TRAPPC11: variants seen among roughly 807,000 people sequenced by gnomAD.
TRAPPC11 encodes the protein trafficking protein particle complex subunit 11.
TRAPPC11 carries 104 observed loss-of-function variants against 151.2 expected under a neutral mutation model. That is an observed-to-expected ratio of 0.69 (90% confidence interval 0.59 to 0.81). The LOEUF is 0.81. TRAPPC11 is among the 30% of genes least tolerant of loss of function. The probability of loss-of-function intolerance (pLI) is 0.00; values close to 1 mark genes in which losing one functional copy is unlikely to be tolerated. For missense variants in TRAPPC11, 1,230 were observed against 1,349.6 expected (o/e 0.91, Z 1.39); for synonymous variants, 456 against 472.3 (o/e 0.97, Z 0.45).
Position 183,675,242 on chromosome 4 carries a change from G to A in TRAPPC11, c.734+5G>A. 1 of 1,517,080 alleles carries A rather than the reference G, an allele frequency of 6.6e-7. No homozygotes were observed. The highest frequency in any genetic ancestry group is 8.9e-7 in the Non-Finnish European group (1 of 1,127,118). 94.0% of individuals were successfully genotyped at this position (1,517,080 alleles called of 1,614,324 possible). A position where few individuals can be genotyped will look rare whatever the true frequency, so the allele number is the denominator to read the frequency against. ...AGATACACAAAATGCGCTGAAGTAA[G>A]TTAAGCTTTCAAACTAAATGTTTCC... On this transcript the variant is annotated splice_donor_5th_base_variant and intron_variant, in intron 7 of 29. Transcript: ENST00000334690.
chr4:183,700,791 C>T (rs549343796), intron 25 of TRAPPC11: 4 of 152,160 alleles, frequency 2.6e-5, no homozygotes, highest in Admixed American at 2.6e-4. Flanking sequence ...GTGAGCATCC[C>T]TCATCTAAAA....
At chr4:183,662,927 G>T (rs746221655) in intron 1 of TRAPPC11, among the ~76,000 whole-genome samples, 3 of 152,024 alleles carry the variant, frequency 2.0e-5, no homozygotes, top group Non-Finnish European at 2.9e-5. Flanking sequence ...TAACATGAAA[G>T]ATTTTTTCTT....
intron 18 of TRAPPC11, among the ~76,000 whole-genome samples, chr4:183,688,201 G>A (rs1736082354): frequency 6.6e-6 from 1 of 152,124 alleles, no homozygotes. Context: ...TGCCCAAATA[G>A]GTAATGAAGA....
At position 183,694,669 on chromosome 4, in the gene TRAPPC11, T is replaced by C. The variant is rs766143826; in HGVS notation, c.2574T>C (p.Ser858=). 6.2e-7 allele frequency: 1 copy of C among 1,610,310 alleles called. No individual in the cohort carries two copies. The highest frequency in any genetic ancestry group is 8.5e-7 in the Non-Finnish European group (1 of 1,179,114). ...CCAGAATGTTTCTTGTATATGTTTC[T>C]TACCTGATAAATACAACCGTTGAAG... ...VGSRMFLVYV[S]YLINTTVEEK... is the part of the protein sequence containing the mutation. The change falls in exon 23 of 30, where the codon TCT becomes TCC. Residue 858 remains serine (S), a synonymous_variant. Coordinates refer to ENST00000334690, the MANE Select transcript of TRAPPC11 (RefSeq NM_021942.6).
In TRAPPC11 at chr4:183,708,405, A is replaced by C; in HGVS notation, c.3190-2A>C. The C allele has an allele frequency of 1.2e-6, 2 of 1,611,274 alleles. No individual in the cohort carries two copies. The highest frequency in any genetic ancestry group is 1.1e-5 in the South Asian group (1 of 90,796). On this transcript the variant is annotated splice_acceptor_variant, in intron 28 of 29. Transcript: ENST00000334690. LOFTEE classifies it high-confidence loss of function. ...CTTTCTCTGTGACTTTTTATGATGCAGATTCGATTACGTATCCTCCCTGGC... is the reference window on the plus strand; with the variant it reads ...CTTTCTCTGTGACTTTTTATGATGCCGATTCGATTACGTATCCTCCCTGGC...
At chr4:183,671,255 T>C (rs1473343914) in intron 5 of TRAPPC11, among the ~76,000 whole-genome samples, 1 of 152,230 alleles carries the variant, frequency 6.6e-6, no homozygotes, top group Non-Finnish European at 1.5e-5. Flanking sequence ...CAAAACGATG[T>C]ATGCAGATGT....
In TRAPPC11 at chr4:183,674,767, A is replaced by G; in HGVS notation, c.615A>G (p.Arg205=). ...HAQTYYYTEI[R]RVKSHKEFLN... ...AGACTTATTACTACACTGAGATCAGAAGAGTGAAATCTCATAAAGAATTTT... is the reference window on the plus strand; with the variant it reads ...AGACTTATTACTACACTGAGATCAGGAGAGTGAAATCTCATAAAGAATTTT... Residue 205 remains arginine (R), a synonymous_variant, in exon 6 of 30, where the codon AGA becomes AGG. Transcript: ENST00000334690. 6.3e-7 allele frequency: 1 copy of G among 1,595,470 alleles called. No individual in the cohort carries two copies. The highest frequency in any genetic ancestry group is 8.5e-7 in the Non-Finnish European group (1 of 1,173,690).
At chr4:183,707,254 A>ATGTGTGTGTGTGTGTGTGTG (rs10576583) in intron 28 of TRAPPC11, among the ~76,000 whole-genome samples, 1 of 148,568 alleles carries the variant, frequency 6.7e-6, no homozygotes, top group Non-Finnish European at 1.5e-5. Context: ...GTGTGTGTTT[A>ATGTGTGTGTGTGTGTGTGTG]TGTGTGTGTG....
chr4:183,679,358 T>C lies in TRAPPC11; in HGVS notation c.837T>C (p.Cys279=). 1 of 1,607,558 alleles carries C rather than the reference T, an allele frequency of 6.2e-7. No individual in the cohort carries two copies. Among genetic ancestry groups the C allele is most frequent in the Non-Finnish European group, 8.5e-7 (1 of 1,177,640 alleles). ...TMAGFINYKI[C]RLCFQHNTPL... ...ATCAATTTTACATTTTGCAGATCTGTAGGCTGTGTTTTCAACACAACACCC... is the reference window on the plus strand; with the variant it reads ...ATCAATTTTACATTTTGCAGATCTGCAGGCTGTGTTTTCAACACAACACCC... The change falls in exon 9 of 30, where the codon TGT becomes TGC. Residue 279 remains cysteine, a synonymous_variant. Transcript: ENST00000334690.
In TRAPPC11 at chr4:183,663,859, A is replaced by G; in HGVS notation, c.-9A>G. The G allele has an allele frequency of 6.2e-7, 1 of 1,610,872 alleles. No homozygotes were observed. Among genetic ancestry groups the G allele is most frequent in the South Asian group, 1.1e-5 (1 of 90,952 alleles). The stretch of plus-strand genomic sequence containing the variant: ...ATTTGTATTTCAGGTTTTTTGTGAC[A>G]TCGTAAACATGAGCCCCACACAGTG... On this transcript the variant is annotated 5_prime_UTR_variant, in exon 2 of 30. Transcript: ENST00000334690.
At chr4:183,666,198 A>G (rs1734873034) in intron 2 of TRAPPC11, 59 bp from the exon 3 acceptor site, 3 of 1,526,384 alleles carry the variant, frequency 2.0e-6, no homozygotes, top group Non-Finnish European at 2.7e-6. Context: ...CTTGGCACTC[A>G]GTAACAGGTG....
chr4:183,671,529 C>G lies in TRAPPC11; in HGVS notation c.561-3184C>G, dbSNP rs1735158045. Among the ~76,000 whole-genome samples, 3 of 152,156 alleles carry G rather than the reference C, an allele frequency of 2.0e-5. No individual in the cohort carries two copies. The South Asian group carries it at 6.2e-4, about 31-fold the overall frequency. Reference sequence around the variant, plus strand: ...CAGCCTTTAGCACAGGATCTACCTTCAATATAACTTCCTTTTAAGTATACA... The same window carrying G: ...CAGCCTTTAGCACAGGATCTACCTTGAATATAACTTCCTTTTAAGTATACA... On this transcript the variant is annotated intron_variant, in intron 5 of 29. Transcript: ENST00000334690.
At position 183,679,498 on chromosome 4, in the gene TRAPPC11, A is replaced by T; in HGVS notation, c.965+12A>T. On this transcript the variant is annotated intron_variant, in intron 9 of 29. Coordinates refer to ENST00000334690, the MANE Select transcript of TRAPPC11 (RefSeq NM_021942.6). ...TGGATGTCTAAACAGTATGTTTTACATTGTCCTTTTAGAATTTTTTAAAAA... is the reference window on the plus strand; with the variant it reads ...TGGATGTCTAAACAGTATGTTTTACTTTGTCCTTTTAGAATTTTTTAAAAA... 1 of 1,573,536 alleles carries T rather than the reference A, an allele frequency of 6.4e-7. No individual in the cohort carries two copies. The highest frequency in any genetic ancestry group is 8.6e-7 in the Non-Finnish European group (1 of 1,161,262).
rs754457587 is a variant in TRAPPC11 at position 183,685,299 on chromosome 4, G to A, written c.1658G>A (p.Cys553Tyr). The stretch of plus-strand genomic sequence containing the variant: ...GAAAGTCCTGATCCAGAACCCGACT[G>A]TGATATCTTAGCTGTGAAAACTGCT... ...MNESPDPEPD[C>Y]DILAVKTAQK... Residue 553 changes from cysteine to tyrosine, a missense_variant, in exon 17 of 30, where the codon TGT becomes TAT. Transcript: ENST00000334690. The A allele has an allele frequency of 3.7e-6, 6 of 1,614,010 alleles. No individual in the cohort carries two copies. The African/African-American group carries it at 5.3e-5, about 14-fold the overall frequency.
chr4:183,704,647 A>C (rs1036378873), intron 26 of TRAPPC11, among the ~76,000 whole-genome samples: 1 of 151,210 alleles, frequency 6.6e-6, no homozygotes, highest in South Asian at 2.1e-4. Flanking sequence ...CCCCGTCTCT[A>C]CTAAAAATAC....
chr4:183,690,144 AG>A (rs1313439644), intron 18 of TRAPPC11, among the ~76,000 whole-genome samples: 1 of 152,120 alleles, frequency 6.6e-6, no homozygotes, highest in Non-Finnish European at 1.5e-5. Flanking sequence ...CGGAGGTTGT[AG>A]TGAGCTGAAA....
intron 17 of TRAPPC11, 61 bp downstream of exon 17, chr4:183,685,464 T>C (rs1735918606): frequency 1.9e-6 from 3 of 1,541,770 alleles, no homozygotes; most frequent in Non-Finnish European, 2.7e-6. Flanking sequence ...ACAAAATGAA[T>C]AGGTGCAGAA....
At position 183,685,149 on chromosome 4, in the gene TRAPPC11, G is replaced by A; in HGVS notation, c.1629+4G>A. On this transcript the variant is annotated splice_donor_region_variant and intron_variant, in intron 16 of 29. Coordinates refer to ENST00000334690, the MANE Select transcript of TRAPPC11 (RefSeq NM_021942.6). Reference sequence around the variant, plus strand: ...GAACCTCATAAATGTTTTAATGGTAGGTTGGAATTGTTTATATAGAGTGTG... The same window carrying A: ...GAACCTCATAAATGTTTTAATGGTAAGTTGGAATTGTTTATATAGAGTGTG... 2 of 1,613,660 alleles carry A rather than the reference G, an allele frequency of 1.2e-6. No individual in the cohort carries two copies. The highest frequency in any genetic ancestry group is 1.7e-6 in the Non-Finnish European group (2 of 1,179,700).
Position 183,708,521 on chromosome 4 carries a change from A to T in TRAPPC11, c.3304A>T (p.Asn1102Tyr), listed in dbSNP as rs201906372. The T allele has an allele frequency of 6.2e-7, 1 of 1,614,116 alleles. No individual in the cohort carries two copies. Among genetic ancestry groups the T allele is most frequent in the Non-Finnish European group, 8.5e-7 (1 of 1,179,992 alleles). Residue 1102 changes from asparagine (N) to tyrosine (Y), a missense_variant, in exon 29 of 30, where the codon AAC becomes TAC. By Grantham distance (143) the Asn-to-Tyr change is moderately radical. Transcript: ENST00000334690. ...SLNINLLRFP[N>Y]FTNQLLRRFI... is the part of the protein sequence containing the mutation. ...CAACATCAACTTGCTTAGATTTCCT[A>T]ACTTCACAAATCAGCTGCTCAGGCG...
Sources: gnomAD v4.1 joint callset for allele counts (sites outside exome capture counted in the v4.1 genomes callset) on GRCh38, gnomAD v4.1.1 for gene constraint, MANE v1.5 for transcripts, NCBI Gene and HGNC (gene_info 2026-07-23, HGNC 2026-07-21) for gene names.